Variants in CHRM2 observed in about 807,000 individuals in gnomAD.
The protein encoded by CHRM2 is muscarinic acetylcholine receptor M2.
A neutral mutation model predicts 25.0 loss-of-function variants in CHRM2; 8 were observed. The ratio of observed to expected loss-of-function variants is 0.32; its 90% confidence interval spans 0.19 to 0.58. The LOEUF is 0.58. Ranked by LOEUF, CHRM2 falls within the 20% of genes least tolerant of loss-of-function variation. CHRM2 has a pLI of 0.88. For synonymous variants in CHRM2, 202 were observed against 205.7 expected, an observed-to-expected ratio of 0.98 and a Z score of 0.15; for missense variants, 440 against 567.1, an observed-to-expected ratio of 0.78 and a Z score of 2.28.
rs1271788430 is a variant in CHRM2 at position 137,015,222 on chromosome 7, T to C, written c.357T>C (p.Phe119=). 1.9e-6 allele frequency: 3 copies of C among 1,613,304 alleles called. No homozygotes were observed. Among genetic ancestry groups the C allele is most frequent in the Non-Finnish European group, 1.7e-6 (2 of 1,179,636 alleles). Residue 119 remains phenylalanine (F), a synonymous_variant, in exon 4 of 4, where the codon TTT becomes TTC. Transcript: ENST00000680005. This position sits in a 1 kb window ranked among gnomAD's most constrained non-coding sequence, Gnocchi z 5.1. ...TTATGAATCTGCTCATCATCAGCTT[T>C]GACAGGTACTTCTGTGTCACAAAAC... ...ASVMNLLIIS[F]DRYFCVTKPL...
At chr7:136,949,086 C>T (rs934813694) in intron 2 of CHRM2, among the ~76,000 whole-genome samples, 7 of 152,144 alleles carry the variant, frequency 4.6e-5, no homozygotes, top group African/African-American at 1.7e-4. Flanking sequence ...AGACACTAGG[C>T]GGTGTCCTTG....
intron 2 of CHRM2, among the ~76,000 whole-genome samples, chr7:136,948,924 A>G (rs953259511): frequency 1.3e-4 from 20 of 152,180 alleles, no homozygotes; most frequent in African/African-American, 4.3e-4. Context: ...ATCCACAGAC[A>G]TTTCAGAACA....
At chr7:136,966,986 C>T (rs982736383) in intron 2 of CHRM2, among the ~76,000 whole-genome samples, 2 of 151,882 alleles carry the variant, frequency 1.3e-5, no homozygotes, top group Non-Finnish European at 2.9e-5. Flanking sequence ...AAACTGTTTA[C>T]ACTGATCGTT....
chr7:136,962,718 T>C (rs575419040), intron 2 of CHRM2, among the ~76,000 whole-genome samples: 5 of 152,290 alleles, frequency 3.3e-5, no homozygotes, highest in African/African-American at 7.2e-5. Context: ...GAGAACGACA[T>C]TGTATTAGGA....
intron 2 of CHRM2, among the ~76,000 whole-genome samples, chr7:136,955,603 T>C (rs1221078080): frequency 6.6e-6 from 1 of 152,124 alleles, no homozygotes. Flanking sequence ...TGTCCTGGCC[T>C]TTGTCTCTCT....
chr7:136,903,543 ATTTG>A (rs986708381), intron 2 of CHRM2, among the ~76,000 whole-genome samples: 47 of 152,128 alleles, frequency 3.1e-4, no homozygotes, highest in African/African-American at 9.6e-4. Context: ...TAAGTAAAAT[ATTTG>A]TTTGTGAATT....
intron 2 of CHRM2, among the ~76,000 whole-genome samples, chr7:136,924,719 C>T (rs1798645191): frequency 6.6e-6 from 1 of 152,136 alleles, no homozygotes; most frequent in African/African-American, 2.4e-5. Context: ...TGGTCACTGA[C>T]ACACTGCTTA....
chr7:136,904,988 A>G (rs549038506), intron 2 of CHRM2, among the ~76,000 whole-genome samples: 1 of 152,116 alleles, frequency 6.6e-6, no homozygotes, highest in Admixed American at 6.6e-5. Context: ...AGATATGTTT[A>G]TAAGTGTACA....
Position 136,990,924 on chromosome 7 carries a change from G to T in CHRM2, c.-124-1263G>T, listed in dbSNP as rs1434099804. Among the ~76,000 whole-genome samples, 5 of 152,200 alleles carry T rather than the reference G, an allele frequency of 3.3e-5. No individual in the cohort carries two copies. In the Middle Eastern group the frequency reaches 0.01, roughly 311 times the overall value. On this transcript the variant is annotated intron_variant, in intron 2 of 3. Coordinates refer to ENST00000680005, the MANE Select transcript of CHRM2 (RefSeq NM_001006630.2). ...CCAGATTATGGCCATTCTAATAAAT[G>T]TGTAGTAGTTATCTCATTGTCTTGA... is the stretch of plus-strand genomic sequence containing the variant.
intron 2 of CHRM2, among the ~76,000 whole-genome samples, chr7:136,872,608 A>G (rs1156397782): frequency 6.6e-6 from 1 of 152,180 alleles, no homozygotes; most frequent in East Asian, 1.9e-4. Flanking sequence ...CAGAGATCCA[A>G]AGAAAACAGT....
intron 2 of CHRM2, among the ~76,000 whole-genome samples, chr7:136,894,514 G>C (rs922562856): frequency 2.0e-5 from 3 of 152,018 alleles, no homozygotes; most frequent in Admixed American, 2.0e-4. Flanking sequence ...TGAGATTACA[G>C]ACACATGCCA....
intron 2 of CHRM2, among the ~76,000 whole-genome samples, chr7:136,915,816 C>CA (rs1798073070): frequency 6.6e-6 from 1 of 150,872 alleles, no homozygotes; most frequent in African/African-American, 2.4e-5. Context: ...ATGGCAAGCA[C>CA]AAGTTATGTT....
intron 3 of CHRM2, among the ~76,000 whole-genome samples, chr7:137,011,095 G>C (rs17415326): frequency 0.024 from 3,590 of 151,922 alleles, 67 homozygotes; most frequent in Non-Finnish European, 0.036. Context: ...TTAATGTTAA[G>C]TGAGATAATA....
intron 2 of CHRM2, among the ~76,000 whole-genome samples, chr7:136,943,974 A>C (rs1415317374): frequency 2.6e-5 from 4 of 152,142 alleles, no homozygotes; most frequent in African/African-American, 9.7e-5. Flanking sequence ...AACAAATTGA[A>C]AGATTGTTCA....
chr7:136,911,692 GT>G, intron 2 of CHRM2, among the ~76,000 whole-genome samples: 1 of 151,962 alleles, frequency 6.6e-6, no homozygotes, highest in South Asian at 2.1e-4. Flanking sequence ...CCATTTTTCC[GT>G]TTTCAAACCT....
At chr7:137,011,061 T>C (rs915322963) in intron 3 of CHRM2, among the ~76,000 whole-genome samples, 4 of 151,914 alleles carry the variant, frequency 2.6e-5, no homozygotes, top group African/African-American at 9.7e-5. Flanking sequence ...TGATAGAAAT[T>C]GTTCCATAAA....
chr7:137,014,545 GTAGA>G (rs572545313), intron 3 of CHRM2, among the ~76,000 whole-genome samples: 2 of 151,888 alleles, frequency 1.3e-5, no homozygotes, highest in Non-Finnish European at 2.9e-5. Context: ...AGATATATAG[GTAGA>G]TAGGTAGGTA....
intron 2 of CHRM2, among the ~76,000 whole-genome samples, chr7:136,958,899 A>G (rs531766073): frequency 5.3e-5 from 8 of 152,334 alleles, no homozygotes; most frequent in African/African-American, 1.9e-4. Flanking sequence ...TTACCTCTTC[A>G]GTTGACAGTA....
chr7:136,983,870 C>A (rs987175429), intron 2 of CHRM2, among the ~76,000 whole-genome samples: 1 of 152,172 alleles, frequency 6.6e-6, no homozygotes, highest in African/African-American at 2.4e-5. Flanking sequence ...AGGTGTTTGT[C>A]AATCCCTGCT....
Sources: gnomAD v4.1 joint callset for allele counts (sites outside exome capture counted in the v4.1 genomes callset) on GRCh38, gnomAD v4.1.1 for gene constraint, Gnocchi (gnomAD v3.1) non-coding constraint, MANE v1.5 for transcripts, NCBI Gene and HGNC (gene_info 2026-07-23, HGNC 2026-07-21) for gene names.